Variants in PPP2R5C observed in about 807,000 individuals in gnomAD.
PPP2R5C encodes protein phosphatase 2 regulatory subunit B'gamma.
PPP2R5C carries 7 observed loss-of-function variants against 68.9 expected under a neutral mutation model. That is an observed-to-expected ratio of 0.10 (90% confidence interval 0.06 to 0.19). PPP2R5C has a LOEUF of 0.19. PPP2R5C is among the 10% of genes least tolerant of loss of function. PPP2R5C has a pLI of 1.00. For missense variants in PPP2R5C, 348 were observed against 641.3 expected (o/e 0.54, Z 4.94); for synonymous variants, 210 against 222.2 (o/e 0.95, Z 0.49).
intron 2 of PPP2R5C, among the ~76,000 whole-genome samples, chr14:101,785,627 A>G (rs571918529): frequency 2.0e-4 from 30 of 152,312 alleles, no homozygotes; most frequent in Admixed American, 1.8e-3. Flanking sequence ...ATCCAGAATC[A>G]TCGTCCCATC....
chr14:101,897,890 C>T (rs1278635203), intron 8 of PPP2R5C, among the ~76,000 whole-genome samples: 1 of 152,072 alleles, frequency 6.6e-6, no homozygotes, highest in African/African-American at 2.4e-5. Flanking sequence ...CACAGTGGCT[C>T]ATGCCCCTAA....
chr14:101,876,416 G>GT (rs71116856), intron 2 of PPP2R5C, among the ~76,000 whole-genome samples: 5,680 of 145,960 alleles, frequency 0.039, 140 homozygotes, highest in Middle Eastern at 0.057. Context: ...ACTGTCAGCG[G>GT]TTTTTTTTTT....
rs182447656 is a variant in PPP2R5C, at chr14:101,810,505, A to G, written c.94+469A>G. ...TGAATTGCAGTCAGAAAATATGCAC[A>G]ATTGATTGGAAAAGAACTTCCTTTA... On this transcript the variant is annotated intron_variant, in intron 1 of 13. Transcript: ENST00000334743. Among the ~76,000 whole-genome samples the G allele has an allele frequency of 5.0e-4, 76 of 152,352 alleles. 1 individual carries two copies. The highest frequency in any genetic ancestry group is 1.7e-3 in the African/African-American group (71 of 41,568).
chr14:101,855,362 G>A (rs557701146), intron 1 of PPP2R5C, among the ~76,000 whole-genome samples: 8 of 152,354 alleles, frequency 5.3e-5, no homozygotes, highest in South Asian at 4.1e-4. Context: ...TTGGGAAAAC[G>A]TGGTTGGGAA....
At position 101,882,027 on chromosome 14, in the gene PPP2R5C, T is replaced by A; in HGVS notation, c.295-134T>A. On this transcript the variant is annotated intron_variant, in intron 2 of 13. Transcript: ENST00000334743. This position sits in a 1 kb window ranked among gnomAD's most constrained non-coding sequence, Gnocchi z 4.9. ...TCTCTCTGAGGACCCACACAGCTTC[T>A]GCGTTTTGAGGATACGGAGGAGCTA... The A allele has an allele frequency of 4.6e-6, 3 of 654,340 alleles. No individual in the cohort carries two copies. In the South Asian group the frequency reaches 6.8e-5, roughly 15 times the overall value. 40.5% of individuals were successfully genotyped at this position (654,340 alleles called of 1,614,324 possible).
intron 3 of PPP2R5C, among the ~76,000 whole-genome samples, chr14:101,798,539 G>A (rs1441850877): frequency 6.6e-6 from 1 of 152,212 alleles, no homozygotes; most frequent in African/African-American, 2.4e-5. Flanking sequence ...GGCTGAGGAC[G>A]GGGAGAATCA....
At chr14:101,824,238 T>A (rs558600686) in intron 1 of PPP2R5C, 1 of 1,140,868 alleles carries the variant, frequency 8.8e-7, no homozygotes, top group African/African-American at 1.6e-5. Flanking sequence ...CAAAATTAGA[T>A]ATATTCTTTT....
At chr14:101,925,392 T>A in exon 14 of PPP2R5C, 4 of 1,445,552 alleles carry the variant, frequency 2.8e-6, no homozygotes, top group Non-Finnish European at 3.7e-6. Context: ...CCCCGTTCCG[T>A]AGGCAATAAC....
intron 1 of PPP2R5C, chr14:101,819,352 G>T (rs1388736694): frequency 7.9e-6 from 3 of 380,206 alleles, no homozygotes; most frequent in Non-Finnish European, 9.7e-6. Context: ...TGCCTCATAA[G>T]ATTACCAAGA....
intron 2 of PPP2R5C, among the ~76,000 whole-genome samples, chr14:101,865,023 A>T (rs574809634): frequency 6.6e-6 from 1 of 152,266 alleles, no homozygotes; most frequent in South Asian, 2.1e-4. Context: ...GAAGGTAGAA[A>T]CACGATTCGG....
intron 2 of PPP2R5C, among the ~76,000 whole-genome samples, chr14:101,876,409 G>C: frequency 6.6e-6 from 1 of 151,230 alleles, no homozygotes; most frequent in East Asian, 1.9e-4. Flanking sequence ...AAGTTAGACT[G>C]TCAGCGGTTT....
chr14:101,831,848 G>C lies in PPP2R5C; in HGVS notation c.94+21812G>C, dbSNP rs541645194. On this transcript the variant is annotated intron_variant, in intron 1 of 13. Coordinates refer to ENST00000334743, the Ensembl canonical transcript of PPP2R5C. ...GAAGCAATCCCCAACATGGACCACT[G>C]TAGTCTGTTACTTACATTGGCTTTA... 7.4e-6 allele frequency: 5 copies of C among 674,986 alleles called. No homozygotes were observed. The African/African-American group carries it at 8.8e-5, about 12-fold the overall frequency. The allele number at this position is 674,986 out of a possible 1,614,324, so 41.8% of individuals were successfully genotyped here. A position where few individuals can be genotyped will look rare whatever the true frequency, so the allele number is the denominator to read the frequency against.
chr14:101,761,964 C>G (rs1254068891), intron 1 of PPP2R5C, 44 bp downstream of exon 1: 2 of 1,187,988 alleles, frequency 1.7e-6, no homozygotes, highest in African/African-American at 3.2e-5. Context: ...CAGGGAGGGA[C>G]TGCCGGGGGA....
rs1000301939 is a variant in PPP2R5C, at chr14:101,824,055, T to C, written c.94+14019T>C. Reference sequence around the variant, plus strand: ...TTCCGTGGCACAGCCCCAGAGCTCCTGTTGAAGGAACAGACTCCAGGACTG... The same window carrying C: ...TTCCGTGGCACAGCCCCAGAGCTCCCGTTGAAGGAACAGACTCCAGGACTG... On this transcript the variant is annotated intron_variant, in intron 1 of 13. Transcript: ENST00000334743. 128 of 1,289,190 alleles carry C rather than the reference T, an allele frequency of 9.9e-5. No individual in the cohort carries two copies. In the African/African-American group the frequency reaches 1.6e-3, roughly 16 times the overall value. The allele number at this position is 1,289,190 out of a possible 1,614,324, so 79.9% of individuals were successfully genotyped here.
chr14:101,819,538 CTT>C (rs1429203338), intron 1 of PPP2R5C: 2 of 154,406 alleles, frequency 1.3e-5, no homozygotes, highest in Admixed American at 1.3e-4. Context: ...AGTCTCAACT[CTT>C]TTGTATACCT....
At chr14:101,869,399 A>G (rs574087078) in intron 2 of PPP2R5C, among the ~76,000 whole-genome samples, 3 of 152,190 alleles carry the variant, frequency 2.0e-5, no homozygotes, top group African/African-American at 7.2e-5. Flanking sequence ...AAATACTTAC[A>G]TACCGATTTT....
intron 2 of PPP2R5C, among the ~76,000 whole-genome samples, chr14:101,871,544 A>G (rs916122524): frequency 2.0e-5 from 3 of 152,022 alleles, no homozygotes; most frequent in African/African-American, 7.2e-5. Flanking sequence ...TGCCCGGCTG[A>G]GTCTTGCTTT....
chr14:101,863,334 A>G (rs1276206923), intron 2 of PPP2R5C, among the ~76,000 whole-genome samples: 1 of 151,736 alleles, frequency 6.6e-6, no homozygotes. Context: ...GAGTCTGGCT[A>G]TGTTTCCTGA....
chr14:101,872,561 G>A (rs1044487527), intron 2 of PPP2R5C, among the ~76,000 whole-genome samples: 8 of 152,092 alleles, frequency 5.3e-5, no homozygotes, highest in African/African-American at 1.9e-4. Context: ...CTGCTTGCTG[G>A]TATAGAATTC....
Sources: gnomAD v4.1 joint callset for allele counts (sites outside exome capture counted in the v4.1 genomes callset) on GRCh38, gnomAD v4.1.1 for gene constraint, Gnocchi (gnomAD v3.1) non-coding constraint, MANE v1.5 for transcripts, NCBI Gene and HGNC (gene_info 2026-07-23, HGNC 2026-07-21) for gene names.